NRXN3: variants seen among roughly 807,000 people sequenced by gnomAD.
NRXN3 encodes neurexin 3.
Under a neutral mutation model 137.6 loss-of-function variants are expected in NRXN3, and 32 were observed. The observed-to-expected ratio is 0.23, with a 90% CI of 0.18 to 0.31. The LOEUF is 0.31. NRXN3 is among the 10% of genes least tolerant of loss of function. NRXN3 has a pLI of 1.00. For synonymous variants in NRXN3, 798 were observed against 784.5 expected, an observed-to-expected ratio of 1.02 and a Z score of -0.29; for missense variants, 1,574 against 2,062.5, an observed-to-expected ratio of 0.76 and a Z score of 4.59.
At chr14:78,870,139 C>T (rs1055336512) in intron 10 of NRXN3, among the ~76,000 whole-genome samples, 2 of 152,178 alleles carry the variant, frequency 1.3e-5, no homozygotes, top group African/African-American at 2.4e-5. Flanking sequence ...TCTTACTAAA[C>T]TGACTTAGCA....
At chr14:79,732,421 C>T (rs1054138942) in intron 19 of NRXN3, among the ~76,000 whole-genome samples, 4 of 152,106 alleles carry the variant, frequency 2.6e-5, no homozygotes, top group South Asian at 4.1e-4. Context: ...TTCACAGAAG[C>T]GGTCCTATCT....
At chr14:79,662,614 A>G in intron 16 of NRXN3, among the ~76,000 whole-genome samples, 1 of 152,134 alleles carries the variant, frequency 6.6e-6, no homozygotes, top group East Asian at 1.9e-4. Context: ...TGATTTATAA[A>G]GAAAAGAGTT....
chr14:79,153,617 C>A (rs1480246907), intron 15 of NRXN3, among the ~76,000 whole-genome samples: 2 of 151,912 alleles, frequency 1.3e-5, no homozygotes, highest in East Asian at 1.9e-4. Context: ...GGGCTGCTCA[C>A]CACTGAGTCT....
intron 15 of NRXN3, among the ~76,000 whole-genome samples, chr14:79,244,950 C>T (rs1210982955): frequency 2.0e-5 from 3 of 152,052 alleles, no homozygotes; most frequent in Non-Finnish European, 2.9e-5. Context: ...TTTCAACTGT[C>T]GAGTCTAAAA....
At chr14:78,873,229 A>G (rs898542732) in intron 10 of NRXN3, among the ~76,000 whole-genome samples, 10 of 152,104 alleles carry the variant, frequency 6.6e-5, no homozygotes, top group African/African-American at 2.2e-4. Flanking sequence ...TACACTTTTC[A>G]TCTTCCAAAT....
At chr14:78,367,268 T>C (rs1320705445) in intron 4 of NRXN3, among the ~76,000 whole-genome samples, 1 of 152,096 alleles carries the variant, frequency 6.6e-6, no homozygotes, top group Non-Finnish European at 1.5e-5. Context: ...TAGTCTGTGG[T>C]TGTCTAAAAC....
At chr14:78,293,508 C>T (rs1161328906) in intron 3 of NRXN3, among the ~76,000 whole-genome samples, 3 of 152,254 alleles carry the variant, frequency 2.0e-5, no homozygotes, top group Middle Eastern at 3.4e-3. Context: ...GTCTCCCATC[C>T]ACCACTCTCC....
intron 20 of NRXN3, among the ~76,000 whole-genome samples, chr14:79,825,206 CTTTTT>C (rs11449914): frequency 1.1e-4 from 13 of 117,816 alleles, no homozygotes; most frequent in African/African-American, 3.9e-4. Flanking sequence ...TCTTTGTGTG[CTTTTT>C]TTTTTTTTTT....
At chr14:78,221,949 A>G (rs1326371192) in intron 1 of NRXN3, among the ~76,000 whole-genome samples, 2 of 152,214 alleles carry the variant, frequency 1.3e-5, no homozygotes, top group Non-Finnish European at 2.9e-5. Context: ...GGCGACAGTG[A>G]GTGAATATTT....
At chr14:78,952,307 C>T (rs1486080084) in intron 10 of NRXN3, among the ~76,000 whole-genome samples, 1 of 152,158 alleles carries the variant, frequency 6.6e-6, no homozygotes, top group Admixed American at 6.5e-5. Context: ...CAAAACACCT[C>T]CTCAATCTCT....
At chr14:79,308,120 C>T (rs1387627650) in intron 15 of NRXN3, among the ~76,000 whole-genome samples, 1 of 152,070 alleles carries the variant, frequency 6.6e-6, no homozygotes, top group African/African-American at 2.4e-5. Context: ...CACTTACTCA[C>T]CTCTTTAAAG....
chr14:79,650,786 G>A lies in NRXN3; in HGVS notation c.3445-12992G>A, dbSNP rs76078365. Among the ~76,000 whole-genome samples, 749 of 152,184 alleles carry A rather than the reference G, an allele frequency of 4.9e-3. 6 individuals carry two copies. The highest frequency in any genetic ancestry group is 0.017 in the African/African-American group (724 of 41,520). On this transcript the variant is annotated intron_variant, in intron 16 of 20. Transcript: ENST00000335750. ...TTTGGAGAAATAAAGGTACTTCTTGGGGGAAAACATGACTACATGTTAAAA... is the reference window on the plus strand; with the variant it reads ...TTTGGAGAAATAAAGGTACTTCTTGAGGGAAAACATGACTACATGTTAAAA...
At chr14:79,001,107 G>C (rs929448541) in intron 15 of NRXN3, among the ~76,000 whole-genome samples, 1 of 152,092 alleles carries the variant, frequency 6.6e-6, no homozygotes, top group African/African-American at 2.4e-5. Flanking sequence ...TGCATCTCTT[G>C]TCACATGGAA....
At chr14:78,769,669 C>T (rs1228310127) in intron 8 of NRXN3, among the ~76,000 whole-genome samples, 1 of 152,114 alleles carries the variant, frequency 6.6e-6, no homozygotes, top group Non-Finnish European at 1.5e-5. Context: ...TGACGAGGAT[C>T]GAGAAAGCAG....
At chr14:78,338,858 C>T (rs1344503816) in intron 4 of NRXN3, among the ~76,000 whole-genome samples, 4 of 152,158 alleles carry the variant, frequency 2.6e-5, no homozygotes, top group Admixed American at 1.3e-4. Flanking sequence ...ATTGTGGTTT[C>T]ATTCACCTTA....
intron 15 of NRXN3, among the ~76,000 whole-genome samples, chr14:79,458,384 T>C (rs558110331): frequency 9.7e-4 from 148 of 152,186 alleles, no homozygotes; most frequent in Admixed American, 2.0e-3. Flanking sequence ...ATAAAATATT[T>C]CCACGTTGAG....
chr14:78,182,610 C>T (rs1388441760), intron 1 of NRXN3, among the ~76,000 whole-genome samples: 6 of 151,920 alleles, frequency 3.9e-5, no homozygotes, highest in Non-Finnish European at 4.4e-5. Context: ...GCTGGGATTA[C>T]AGGCAGTGCC....
At chr14:78,803,466 A>C (rs975937094) in intron 8 of NRXN3, among the ~76,000 whole-genome samples, 154 bp from the exon 9 acceptor site, 9 of 152,164 alleles carry the variant, frequency 5.9e-5, no homozygotes, top group African/African-American at 2.2e-4. Context: ...AGCGTCACAC[A>C]GATTAAAAGG....
chr14:79,581,340 ACAT>A (rs1311788993), intron 16 of NRXN3, among the ~76,000 whole-genome samples: 1 of 152,166 alleles, frequency 6.6e-6, no homozygotes, highest in East Asian at 1.9e-4. Flanking sequence ...CATCTACCTT[ACAT>A]CTCTGATCCA....
Sources: allele counts gnomAD v4.1 joint callset (sites outside exome capture counted in the v4.1 genomes callset), GRCh38; gene constraint gnomAD v4.1.1; transcripts MANE v1.5; gene names NCBI Gene and HGNC (gene_info 2026-07-23, HGNC 2026-07-21).